The following NDFIP2 variants were observed in gnomAD, a reference collection of about 807,000 sequenced individuals.
NDFIP2 encodes the protein Nedd4 family interacting protein 2, also known as NEDD4 family-interacting protein 2.
Under a neutral mutation model 36.0 loss-of-function variants are expected in NDFIP2, and 19 were observed. The ratio of observed to expected loss-of-function variants is 0.53; its 90% CI spans 0.37 to 0.77. NDFIP2 has a LOEUF of 0.77. Among genes scored for constraint, NDFIP2 ranks in the 30% least tolerant of loss-of-function variants. NDFIP2 has a pLI of 0.00. For missense variants in NDFIP2, 446 were observed against 435.8 expected (o/e 1.02, Z -0.21); for synonymous variants, 181 against 167.7 (o/e 1.08, Z -0.61).
At chr13:79,543,324 T>C (rs1566667921) in intron 4 of NDFIP2, among the ~76,000 whole-genome samples, 1 of 152,232 alleles carries the variant, frequency 6.6e-6, no homozygotes, top group Admixed American at 6.5e-5. Flanking sequence ...CTTTCAGGAA[T>C]GGATTCCTGT....
chr13:79,550,484 A>G (rs760175507), intron 6 of NDFIP2, among the ~76,000 whole-genome samples: 11 of 151,702 alleles, frequency 7.3e-5, no homozygotes, highest in Non-Finnish European at 1.0e-4. Context: ...AATTAAAAAT[A>G]TGTACATAAT....
At chr13:79,483,277 A>G (rs561568838) in intron 1 of NDFIP2, among the ~76,000 whole-genome samples, 1 of 152,198 alleles carries the variant, frequency 6.6e-6, no homozygotes, top group South Asian at 2.1e-4. Context: ...ACTTACAACT[A>G]ACATTGTAAG....
rs142541547 is a variant in NDFIP2, at chr13:79,510,206, T to C, written c.322-10604T>C. Among the ~76,000 whole-genome samples, 875 of 152,266 alleles carry C rather than the reference T, an allele frequency of 5.7e-3. 3 individuals carry two copies. Among genetic ancestry groups the C allele is most frequent in the Non-Finnish European group, 9.9e-3 (671 of 68,006 alleles). Reference sequence around the variant, plus strand: ...TATGTTTTTTAAGAGTGTACTTTTTTTTTGACAGGCAGAAGTCCTGTATAT... The same window carrying C: ...TATGTTTTTTAAGAGTGTACTTTTTCTTTGACAGGCAGAAGTCCTGTATAT... On this transcript the variant is annotated intron_variant, in intron 1 of 7. Coordinates refer to ENST00000218652, the MANE Select transcript of NDFIP2 (RefSeq NM_019080.3).
At chr13:79,537,865 G>A (rs1875302865) in intron 3 of NDFIP2, among the ~76,000 whole-genome samples, 1 of 152,146 alleles carries the variant, frequency 6.6e-6, no homozygotes, top group African/African-American at 2.4e-5. Flanking sequence ...TTTTCACACT[G>A]CTATAAAGAA....
chr13:79,483,941 C>T (rs1018894379), intron 1 of NDFIP2, among the ~76,000 whole-genome samples: 3 of 152,182 alleles, frequency 2.0e-5, no homozygotes, highest in African/African-American at 7.2e-5. Context: ...GTGTTGCTAA[C>T]TATGACGAAG....
chr13:79,504,022 T>G (rs547874388), intron 1 of NDFIP2, among the ~76,000 whole-genome samples: 2 of 152,230 alleles, frequency 1.3e-5, no homozygotes, highest in East Asian at 3.9e-4. Context: ...CATGGAAAGT[T>G]GGAGTTCAGT....
At chr13:79,512,228 T>G (rs1874106313) in intron 1 of NDFIP2, among the ~76,000 whole-genome samples, 2 of 152,190 alleles carry the variant, frequency 1.3e-5, no homozygotes, top group African/African-American at 2.4e-5. Context: ...TGTCAATGCC[T>G]TTGTTGGATA....
chr13:79,552,317 A>G (rs972160822), intron 7 of NDFIP2, among the ~76,000 whole-genome samples, 199 bp from the exon 8 acceptor site: 1 of 151,430 alleles, frequency 6.6e-6, no homozygotes, highest in Non-Finnish European at 1.5e-5. Context: ...TGAAGAGTCT[A>G]AAATACAATG....
chr13:79,549,102 A>G (rs937850979), intron 6 of NDFIP2, among the ~76,000 whole-genome samples: 1 of 152,000 alleles, frequency 6.6e-6, no homozygotes, highest in Non-Finnish European at 1.5e-5. Flanking sequence ...TTTACCAGAA[A>G]ATAACAGCAT....
At chr13:79,547,395 T>C (rs1018878774) in intron 5 of NDFIP2, among the ~76,000 whole-genome samples, 1 of 152,210 alleles carries the variant, frequency 6.6e-6, no homozygotes, top group Non-Finnish European at 1.5e-5. Flanking sequence ...AGATTCAGTT[T>C]GCAGACCAGT....
In NDFIP2 at chr13:79,539,741, G is replaced by A. The variant is rs1187586183; in HGVS notation, c.681G>A (p.Val227=). 6.2e-7 allele frequency: 1 copy of A among 1,613,788 alleles called. No homozygotes were observed. The highest frequency in any genetic ancestry group is 8.5e-7 in the Non-Finnish European group (1 of 1,179,814). The change falls in exon 4 of 8, where the codon GTG becomes GTA. Residue 227 remains valine (V), a synonymous_variant. Coordinates refer to ENST00000218652, the MANE Select transcript of NDFIP2 (RefSeq NM_019080.3). Reference sequence around the variant, plus strand: ...TCAGTGATGCAGACCAGCTCAGAGTGGGGAATGATGGCATTTTCATGCTGG... The same window carrying A: ...TCAGTGATGCAGACCAGCTCAGAGTAGGGAATGATGGCATTTTCATGCTGG... ...DDFSDADQLR[V]GNDGIFMLAF...
At chr13:79,484,400 G>A (rs2079831356) in intron 1 of NDFIP2, among the ~76,000 whole-genome samples, 1 of 152,168 alleles carries the variant, frequency 6.6e-6, no homozygotes, top group Admixed American at 6.6e-5. Context: ...CTTATTCTGT[G>A]TACAAGTTAA....
At chr13:79,493,251 A>G (rs559665003) in intron 1 of NDFIP2, among the ~76,000 whole-genome samples, 151 of 152,338 alleles carry the variant, frequency 9.9e-4, no homozygotes, top group Middle Eastern at 3.4e-3. Flanking sequence ...CGATACTGGT[A>G]TATTTTATTA....
At chr13:79,494,489 T>A (rs938333841) in intron 1 of NDFIP2, among the ~76,000 whole-genome samples, 2 of 152,028 alleles carry the variant, frequency 1.3e-5, no homozygotes, top group Non-Finnish European at 2.9e-5. Flanking sequence ...CTCTGGTGAC[T>A]TTCCAAAACT....
intron 6 of NDFIP2, 116 bp from the exon 7 acceptor site, chr13:79,550,901 C>G: frequency 3.5e-6 from 2 of 564,256 alleles, no homozygotes; most frequent in Non-Finnish European, 6.3e-6. Context: ...GAATGGAAGT[C>G]TGCAAGTAAA....
chr13:79,515,859 T>C (rs1278551678), intron 1 of NDFIP2, among the ~76,000 whole-genome samples: 1 of 47,462 alleles, frequency 2.1e-5, no homozygotes, highest in Non-Finnish European at 4.3e-5. Context: ...TTCTAATCTG[T>C]TTTTTTTTTC....
chr13:79,508,332 G>C (rs1351489350), intron 1 of NDFIP2, among the ~76,000 whole-genome samples: 1 of 152,212 alleles, frequency 6.6e-6, no homozygotes, highest in African/African-American at 2.4e-5. Context: ...GGATCAGAGA[G>C]CGTTCTTAGA....
rs1444903591 is a variant in NDFIP2, at chr13:79,495,729, T to TA, written c.321+14206dup. Among the ~76,000 whole-genome samples the TA allele has an allele frequency of 5.9e-5, 9 of 152,014 alleles. 2 individuals are homozygous for TA. Among genetic ancestry groups the TA allele is most frequent in the African/African-American group, 2.2e-4 (9 of 41,548 alleles). On this transcript the variant is annotated intron_variant, in intron 1 of 7. Coordinates refer to ENST00000218652, the MANE Select transcript of NDFIP2 (RefSeq NM_019080.3). ...GATATGGTTGGTTTACGTCTACTGT[T>TA]ATATTGTTTTTTATTTGTCTTTTCT...
At chr13:79,539,468 G>A (rs1294556218) in intron 3 of NDFIP2, among the ~76,000 whole-genome samples, 4 of 151,860 alleles carry the variant, frequency 2.6e-5, no homozygotes, top group African/African-American at 9.7e-5. Context: ...TCTTTTTTGT[G>A]TTTATCTTTA....
Sources: gnomAD v4.1 joint callset for allele counts (sites outside exome capture counted in the v4.1 genomes callset) on GRCh38, gnomAD v4.1.1 for gene constraint, MANE v1.5 for transcripts, NCBI Gene and HGNC (gene_info 2026-07-23, HGNC 2026-07-21) for gene names.